The following NSD1 variants were observed in gnomAD, a reference collection of about 807,000 sequenced individuals.
NSD1 encodes the protein nuclear receptor binding SET domain protein 1, also known as histone-lysine N-methyltransferase, H3 lysine-36 specific.
Under a neutral mutation model 242.7 loss-of-function variants are expected in NSD1, and 26 were observed. The observed-to-expected ratio is 0.11, with a 90% confidence interval of 0.08 to 0.15. NSD1 has a LOEUF of 0.15. Among genes scored for constraint, NSD1 ranks in the 10% least tolerant of loss-of-function variants. The pLI is 1.00. For missense variants in NSD1, 2,495 were observed against 3,272.8 expected (o/e 0.76, Z 5.80); for synonymous variants, 1,106 against 1,178.1 (o/e 0.94, Z 1.25).
intron 2 of NSD1, among the ~76,000 whole-genome samples, chr5:177,172,101 TC>T (rs1759760970): frequency 6.6e-6 from 1 of 152,224 alleles, no homozygotes; most frequent in South Asian, 2.1e-4. Context: ...TGATAGTTTT[TC>T]CCCTATTTAT....
At chr5:177,181,054 T>G (rs1049852990) in intron 2 of NSD1, among the ~76,000 whole-genome samples, 4 of 151,714 alleles carry the variant, frequency 2.6e-5, no homozygotes, top group Middle Eastern at 3.2e-3. Context: ...TTTTTTTTTT[T>G]TTGAGATGGA....
At chr5:177,144,196 G>A (rs1757049461) in intron 2 of NSD1, among the ~76,000 whole-genome samples, 1 of 151,798 alleles carries the variant, frequency 6.6e-6, no homozygotes, top group Non-Finnish European at 1.5e-5. Flanking sequence ...AAAGAGTTGT[G>A]AATTTCAAGA....
At chr5:177,137,523 A>T (rs1031332984) in intron 2 of NSD1, 3 of 152,228 alleles carry the variant, frequency 2.0e-5, no homozygotes, top group South Asian at 2.1e-4. Flanking sequence ...TTGCAGATTT[A>T]AAAAAATTTG....
rs7720083 is a variant in NSD1 at position 177,225,170 on chromosome 5, G to A, written c.3797-10651G>A. ...TTTTTTGTTTTTATATTTTTGAGAC[G>A]GAGTTTCGCCCTCATCGCCCAGGCT... On this transcript the variant is annotated intron_variant, in intron 5 of 22. Coordinates refer to ENST00000439151, the MANE Select transcript of NSD1 (RefSeq NM_022455.5). Among the ~76,000 whole-genome samples, 663 of 152,050 alleles carry A rather than the reference G, an allele frequency of 4.4e-3. 5 individuals are homozygous for A. Among genetic ancestry groups the A allele is most frequent in the African/African-American group, 0.014 (596 of 41,472 alleles).
intron 3 of NSD1, among the ~76,000 whole-genome samples, chr5:177,194,105 G>A (rs986094365): frequency 6.6e-6 from 1 of 151,904 alleles, no homozygotes; most frequent in African/African-American, 2.4e-5. Flanking sequence ...TATACATAAT[G>A]TTTTTTCATA....
At chr5:177,141,319 CTTTTTT>C (rs567992731) in intron 2 of NSD1, among the ~76,000 whole-genome samples, 2,700 of 97,050 alleles carry the variant, frequency 0.028, 86 homozygotes, top group Middle Eastern at 0.057. Flanking sequence ...CGCGCGCAGC[CTTTTTT>C]TTTTTTTTTT....
Position 177,275,240 on chromosome 5 carries a change from C to G in NSD1, c.5622+1456C>G, listed in dbSNP as rs138470642. Among the ~76,000 whole-genome samples the G allele has an allele frequency of 6.2e-3, 945 of 151,904 alleles. 2 individuals are homozygous for G. The highest frequency in any genetic ancestry group is 9.3e-3 in the Non-Finnish European group (629 of 67,966). The stretch of plus-strand genomic sequence containing the variant: ...ATCTGATAACCCTACCGAAATCAGA[C>G]CTTCAAGATCGTGTCTCCAGTGTTT... On this transcript the variant is annotated intron_variant, in intron 17 of 22. Coordinates refer to ENST00000439151, the MANE Select transcript of NSD1 (RefSeq NM_022455.5).
intron 2 of NSD1, among the ~76,000 whole-genome samples, chr5:177,158,239 T>TTCTC (rs1162927664): frequency 5.3e-5 from 2 of 37,712 alleles, no homozygotes; most frequent in Non-Finnish European, 1.3e-4. Flanking sequence ...GGGTTCTAAT[T>TTCTC]TCTTTCTTTC....
At chr5:177,149,727 A>G (rs763317659) in intron 2 of NSD1, among the ~76,000 whole-genome samples, 3 of 152,112 alleles carry the variant, frequency 2.0e-5, no homozygotes, top group Non-Finnish European at 2.9e-5. Flanking sequence ...AATAGGGTTC[A>G]TGATCCTCTG....
In NSD1 at chr5:177,269,304, G is replaced by A. The variant is rs1489015554; in HGVS notation, c.5304-298G>A. On this transcript the variant is annotated intron_variant, in intron 15 of 22. Coordinates refer to ENST00000439151, the MANE Select transcript of NSD1 (RefSeq NM_022455.5). This position sits in a 1 kb window ranked among gnomAD's most constrained non-coding sequence, Gnocchi z 5.1. ...AGTTTTTCCTTCTTATAATGCTTCA[G>A]TGAATGTTATTGTCATAACTCTCTG... 6.6e-6 allele frequency among the ~76,000 whole-genome samples: 1 copy of A among 152,076 alleles called. No homozygotes were observed. The highest frequency in any genetic ancestry group is 2.4e-5 in the African/African-American group (1 of 41,386).
intron 20 of NSD1, among the ~76,000 whole-genome samples, chr5:177,287,166 T>C (rs1350641435): frequency 6.6e-6 from 1 of 152,270 alleles, no homozygotes; most frequent in African/African-American, 2.4e-5. Flanking sequence ...TTATGAGCAC[T>C]GATACTTTCT....
At chr5:177,272,398 G>T (rs1206735491) in intron 16 of NSD1, among the ~76,000 whole-genome samples, 1 of 151,984 alleles carries the variant, frequency 6.6e-6, no homozygotes, top group Non-Finnish European at 1.5e-5. Flanking sequence ...ACAAGGAAAT[G>T]AAGAAAAAAG....
intron 2 of NSD1, among the ~76,000 whole-genome samples, chr5:177,162,080 C>T (rs940594067): frequency 5.9e-5 from 9 of 151,924 alleles, no homozygotes; most frequent in African/African-American, 2.2e-4. Flanking sequence ...GGCAGATCAC[C>T]TGAGATCCAG....
intron 11 of NSD1, 96 bp from the exon 12 acceptor site, chr5:177,251,634 A>G: frequency 7.5e-7 from 1 of 1,325,900 alleles, no homozygotes; most frequent in East Asian, 2.3e-5. Context: ...CTTTTCTGCC[A>G]CTTTTAACCT....
intron 17 of NSD1, among the ~76,000 whole-genome samples, chr5:177,277,705 A>G (rs1007180242): frequency 2.6e-5 from 4 of 151,812 alleles, no homozygotes; most frequent in African/African-American, 9.7e-5. Flanking sequence ...GTCTCTACAA[A>G]AAATACAAAG....
chr5:177,259,198 T>G (rs1384752012), intron 13 of NSD1, among the ~76,000 whole-genome samples: 1 of 152,224 alleles, frequency 6.6e-6, no homozygotes, highest in Non-Finnish European at 1.5e-5. Context: ...ACTTTTTCCA[T>G]AGAGGATTGA....
rs79600412 is a variant in NSD1, at chr5:177,286,633, T to G, written c.6152-2186T>G. 2.4e-4 allele frequency among the ~76,000 whole-genome samples: 37 copies of G among 152,332 alleles called. No homozygotes were observed. The East Asian group carries it at 6.9e-3, about 29-fold the overall frequency. ...TCTCATTCTTTTCTCCCTTTTTCTC[T>G]CTAATCGCCCCAGGGGTGGAGAGGT... On this transcript the variant is annotated intron_variant, in intron 20 of 22. Transcript: ENST00000439151.
At chr5:177,291,639 C>G (rs1759836953) in intron 21 of NSD1, among the ~76,000 whole-genome samples, 1 of 152,136 alleles carries the variant, frequency 6.6e-6, no homozygotes, top group Non-Finnish European at 1.5e-5. Context: ...GGCAACACAG[C>G]AAGACTCCGT....
chr5:177,288,465 G>C (rs2127269742), intron 20 of NSD1: 1 of 303,386 alleles, frequency 3.3e-6, no homozygotes, highest in South Asian at 3.1e-5. Context: ...CCTCATACTT[G>C]TATTCCCAGG....
Sources: gnomAD v4.1 joint callset for allele counts (sites outside exome capture counted in the v4.1 genomes callset) on GRCh38, gnomAD v4.1.1 for gene constraint, Gnocchi (gnomAD v3.1) non-coding constraint, MANE v1.5 for transcripts, NCBI Gene and HGNC (gene_info 2026-07-23, HGNC 2026-07-21) for gene names.